The following L3MBTL4 variants were observed in gnomAD, a reference collection of about 807,000 sequenced individuals.
The protein encoded by L3MBTL4 is lethal(3)malignant brain tumor-like protein 4.
L3MBTL4 carries 70 observed loss-of-function variants against 84.5 expected under a neutral mutation model. The ratio of observed to expected loss-of-function variants is 0.83; its 90% CI spans 0.68 to 1.01. L3MBTL4 has a LOEUF of 1.01. Among genes scored for constraint, L3MBTL4 ranks in the 50% least tolerant of loss-of-function variants. The pLI, the probability that L3MBTL4 is intolerant of heterozygous loss-of-function variation, is 0.00. For synonymous variants in L3MBTL4, 274 were observed against 259.8 expected (o/e 1.05, Z -0.52); for missense variants, 715 against 754.8 (o/e 0.95, Z 0.62).
intron 16 of L3MBTL4, among the ~76,000 whole-genome samples, chr18:6,064,322 T>C (rs1171859966): frequency 6.6e-6 from 1 of 152,052 alleles, no homozygotes; most frequent in African/African-American, 2.4e-5. Context: ...TTTTGCTTAG[T>C]ATTGCTTTGG....
chr18:6,289,453 A>G (rs1047995882), intron 4 of L3MBTL4, among the ~76,000 whole-genome samples: 1 of 152,192 alleles, frequency 6.6e-6, no homozygotes, highest in Non-Finnish European at 1.5e-5. Flanking sequence ...CCTATTCCTA[A>G]CACTTTTCTT....
At chr18:6,232,541 T>C (rs2047041093) in intron 10 of L3MBTL4, among the ~76,000 whole-genome samples, 2 of 152,042 alleles carry the variant, frequency 1.3e-5, no homozygotes, top group African/African-American at 4.8e-5. Flanking sequence ...GTATTACTGA[T>C]TCAATCTATG....
intron 12 of L3MBTL4, among the ~76,000 whole-genome samples, chr18:6,199,397 A>G (rs1269708034): frequency 1.3e-5 from 2 of 152,238 alleles, no homozygotes; most frequent in Non-Finnish European, 2.9e-5. Context: ...CCACACTTCA[A>G]GTGCCCAACA....
At chr18:6,229,498 A>AT (rs2046908623) in intron 10 of L3MBTL4, among the ~76,000 whole-genome samples, 1 of 151,890 alleles carries the variant, frequency 6.6e-6, no homozygotes, top group Admixed American at 6.6e-5. Context: ...CAATTTGTCT[A>AT]TTTTTTCTTT....
In L3MBTL4 at chr18:6,215,766, G is replaced by T; in HGVS notation, c.854C>A (p.Ala285Asp). The T allele has an allele frequency of 6.2e-7, 1 of 1,602,652 alleles. No individual in the cohort carries two copies. The change falls in exon 11 of 19, where the codon GCC becomes GAC. Residue 285 changes from alanine (A) to aspartate (D), a missense_variant. By Grantham distance (126) the Ala-to-Asp change is moderately radical (BLOSUM62 -2). Coordinates refer to ENST00000317931, the MANE Select transcript of L3MBTL4 (RefSeq NM_001330559.2). ...AGAACTTACCATTTTAAAAACTTTG[G>T]CAGGAACTGCATTGGTTTGAGTAGC... ...LEATQTNAVP[A>D]KVFKMRLPHG... is the part of the protein sequence containing the mutation.
intron 1 of L3MBTL4, among the ~76,000 whole-genome samples, chr18:6,410,852 T>C (rs1370768398): frequency 6.6e-6 from 1 of 152,178 alleles, no homozygotes; most frequent in East Asian, 1.9e-4. Flanking sequence ...TCCAGCCTCA[T>C]TAAGAGAATG....
chr18:5,972,501 G>T (rs1228892413), intron 16 of L3MBTL4, among the ~76,000 whole-genome samples: 1 of 152,140 alleles, frequency 6.6e-6, no homozygotes, highest in African/African-American at 2.4e-5. Context: ...TCAGTGGCAG[G>T]TACTACTTTA....
chr18:6,185,324 T>G (rs1413235909), intron 12 of L3MBTL4, among the ~76,000 whole-genome samples: 1 of 152,104 alleles, frequency 6.6e-6, no homozygotes, highest in East Asian at 1.9e-4. Context: ...TATGCTCCCT[T>G]CTCCCCTCCA....
At chr18:6,241,511 A>G in intron 7 of L3MBTL4, 62 bp from the exon 8 acceptor site, 1 of 923,204 alleles carries the variant, frequency 1.1e-6, no homozygotes, top group Non-Finnish European at 1.7e-6. Context: ...TATTAAATAT[A>G]TTAGGTTGGT....
intron 16 of L3MBTL4, among the ~76,000 whole-genome samples, chr18:6,009,092 GACAGAA>G (rs1432137121): frequency 6.6e-6 from 1 of 152,204 alleles, no homozygotes; most frequent in Non-Finnish European, 1.5e-5. Context: ...TCAGACCTCA[GACAGAA>G]TGACCTTGGC....
intron 1 of L3MBTL4, among the ~76,000 whole-genome samples, chr18:6,375,317 G>T (rs901313067): frequency 6.6e-6 from 1 of 151,956 alleles, no homozygotes; most frequent in Non-Finnish European, 1.5e-5. Context: ...AGGCTGCCAC[G>T]GCTTCTGAGG....
In L3MBTL4 at chr18:6,147,663, G is replaced by C. The variant is rs149931051; in HGVS notation, c.1097-9367C>G. Among the ~76,000 whole-genome samples, 778 of 152,200 alleles carry C rather than the reference G, an allele frequency of 5.1e-3. 2 individuals carry two copies. Among genetic ancestry groups the C allele is most frequent in the Non-Finnish European group, 8.0e-3 (546 of 68,002 alleles). ...GGTAAATTCCTGAAAGAGATGAATC[G>C]ATATAATAATAATACTTATCTTCCA... is the stretch of plus-strand genomic sequence containing the variant. On this transcript the variant is annotated intron_variant, in intron 13 of 18. Coordinates refer to ENST00000317931, the MANE Select transcript of L3MBTL4 (RefSeq NM_001330559.2).
chr18:6,275,859 G>C (rs1393867508), intron 4 of L3MBTL4, among the ~76,000 whole-genome samples: 1 of 152,112 alleles, frequency 6.6e-6, no homozygotes, highest in African/African-American at 2.4e-5. Flanking sequence ...GAAAACTCAG[G>C]ACCCCACAAT....
chr18:6,298,627 C>T (rs2050203299), intron 4 of L3MBTL4, among the ~76,000 whole-genome samples: 1 of 152,196 alleles, frequency 6.6e-6, no homozygotes, highest in African/African-American at 2.4e-5. Flanking sequence ...AATCCCAGCA[C>T]TTTGGGAGGC....
At chr18:6,020,777 T>C (rs2055213758) in intron 16 of L3MBTL4, among the ~76,000 whole-genome samples, 1 of 152,200 alleles carries the variant, frequency 6.6e-6, no homozygotes, top group South Asian at 2.1e-4. Context: ...TGGAGCCATT[T>C]TCTGATCTAG....
intron 12 of L3MBTL4, among the ~76,000 whole-genome samples, chr18:6,199,419 C>G (rs546379987): frequency 1.1e-4 from 17 of 152,306 alleles, no homozygotes; most frequent in African/African-American, 4.1e-4. Context: ...CCACATGCAG[C>G]GAGTGGCCAA....
intron 13 of L3MBTL4, among the ~76,000 whole-genome samples, chr18:6,170,965 CTT>C (rs2145192165): frequency 6.6e-6 from 1 of 152,264 alleles, no homozygotes; most frequent in South Asian, 2.1e-4. Flanking sequence ...GCCTTCATCT[CTT>C]TGATTTTGTA....
chr18:6,400,778 A>T (rs1039966025), intron 1 of L3MBTL4, among the ~76,000 whole-genome samples: 1 of 152,134 alleles, frequency 6.6e-6, no homozygotes, highest in African/African-American at 2.4e-5. Context: ...AATCAAGAAA[A>T]TGGCTTCATG....
intron 9 of L3MBTL4, among the ~76,000 whole-genome samples, chr18:6,239,249 G>A (rs1372728424): frequency 1.3e-5 from 2 of 150,086 alleles, no homozygotes; most frequent in Admixed American, 1.3e-4. Flanking sequence ...GCTGAGGCAG[G>A]AGAATGGCGT....
Sources: allele counts gnomAD v4.1 joint callset (sites outside exome capture counted in the v4.1 genomes callset), GRCh38; gene constraint gnomAD v4.1.1; transcripts MANE v1.5; gene names NCBI Gene and HGNC (gene_info 2026-07-23, HGNC 2026-07-21).